The following LYRM4 variants were observed in gnomAD, a reference collection of about 807,000 sequenced individuals.
The protein encoded by LYRM4 is LYR motif-containing protein 4.
A neutral mutation model predicts 11.7 loss-of-function variants in LYRM4; 9 were observed. That is an observed-to-expected ratio of 0.77 (90% confidence interval 0.46 to 1.34). The LOEUF (loss-of-function observed/expected upper bound fraction) is 1.34. Ranked by LOEUF, LYRM4 falls within the 40% of genes most tolerant of loss-of-function variation. The pLI is 0.00. For missense variants in LYRM4, 133 were observed against 112.5 expected (o/e 1.18, Z -0.82); for synonymous variants, 42 against 40.4 (o/e 1.04, Z -0.15).
chr6:5,213,865 T>C (rs1216312375), intron 2 of LYRM4, among the ~76,000 whole-genome samples: 3 of 152,274 alleles, frequency 2.0e-5, no homozygotes, highest in African/African-American at 7.2e-5. Context: ...ACATTTCCTA[T>C]GTGCTAGCAT....
the LYRM4 span, among the ~76,000 whole-genome samples, chr6:5,046,216 A>G: frequency 6.6e-6 from 1 of 151,616 alleles, no homozygotes; most frequent in Non-Finnish European, 1.5e-5. Context: ...GTGCAATCTC[A>G]GCTCACTGCA....
At chr6:5,086,413 C>T in the LYRM4 span, 9 of 1,536,310 alleles carry the variant, frequency 5.9e-6, no homozygotes, top group African/African-American at 1.4e-5. Context: ...GCCCCCGGGC[C>T]TGCAGCCTGA....
chr6:5,118,615 G>A (rs1328687155), intron 2 of LYRM4, among the ~76,000 whole-genome samples: 2 of 152,098 alleles, frequency 1.3e-5, no homozygotes, highest in East Asian at 3.9e-4. Flanking sequence ...GCATGGAGAG[G>A]CACTGCCACA....
chr6:5,113,368 A>G, intron 2 of LYRM4: 1 of 445,302 alleles, frequency 2.2e-6, no homozygotes, highest in Non-Finnish European at 4.5e-6. Context: ...GAGGTTGCTG[A>G]GATCACGCCA....
intron 2 of LYRM4, among the ~76,000 whole-genome samples, chr6:5,137,121 G>A (rs142588610): frequency 2.2e-4 from 33 of 152,178 alleles, no homozygotes; most frequent in African/African-American, 6.5e-4. Flanking sequence ...CTTCTTTCCC[G>A]TAGCATAATG....
intron 1 of LYRM4, among the ~76,000 whole-genome samples, chr6:5,219,728 T>G (rs1245033982): frequency 1.3e-5 from 2 of 152,072 alleles, no homozygotes; most frequent in Non-Finnish European, 2.9e-5. Flanking sequence ...CTTTTTTCTT[T>G]GCTTTTCTTT....
At chr6:5,227,084 T>A (rs1332053087) in intron 1 of LYRM4, among the ~76,000 whole-genome samples, 1 of 152,198 alleles carries the variant, frequency 6.6e-6, no homozygotes, top group African/African-American at 2.4e-5. Flanking sequence ...TCTATGAGTA[T>A]ATTTTTAGAC....
At chr6:5,158,660 A>T (rs2127650666) in intron 2 of LYRM4, among the ~76,000 whole-genome samples, 1 of 152,144 alleles carries the variant, frequency 6.6e-6, no homozygotes, top group Admixed American at 6.5e-5. Flanking sequence ...ACTTTTTTGT[A>T]GAGGGTCCCA....
At chr6:5,051,446 C>T in the LYRM4 span, among the ~76,000 whole-genome samples, 1 of 152,054 alleles carries the variant, frequency 6.6e-6, no homozygotes, top group African/African-American at 2.4e-5. Flanking sequence ...TCCCATACAC[C>T]GAATCCCTGG....
the LYRM4 span, among the ~76,000 whole-genome samples, chr6:5,064,256 C>T: frequency 1.3e-5 from 2 of 152,106 alleles, no homozygotes; most frequent in Admixed American, 1.3e-4. Flanking sequence ...CCCACCTAGC[C>T]CGGAAAAGTT....
chr6:5,198,689 C>T (rs1457021789), intron 2 of LYRM4, among the ~76,000 whole-genome samples: 1 of 152,172 alleles, frequency 6.6e-6, no homozygotes, highest in Non-Finnish European at 1.5e-5. Context: ...AAAGGGCTAA[C>T]CTGGTTCTCA....
At chr6:5,158,283 A>G (rs985490385) in intron 2 of LYRM4, among the ~76,000 whole-genome samples, 5 of 152,236 alleles carry the variant, frequency 3.3e-5, no homozygotes, top group Non-Finnish European at 7.3e-5. Flanking sequence ...TTCAAGAAGC[A>G]TAAACAAACA....
chr6:5,236,605 T>C (rs1408329439), intron 1 of LYRM4: 1 of 152,092 alleles, frequency 6.6e-6, no homozygotes, highest in Non-Finnish European at 1.5e-5. Context: ...CTCATCTGAA[T>C]ATTATTTTGT....
the LYRM4 span, among the ~76,000 whole-genome samples, chr6:5,055,201 T>C: frequency 2.3e-3 from 358 of 152,342 alleles, 1 homozygote; most frequent in Non-Finnish European, 1.9e-3. The surrounding 1 kb of genome is among the most constrained non-coding windows in gnomAD (Gnocchi z 4.5). Flanking sequence ...TGACCCAATG[T>C]ATACCTTACA....
At chr6:5,120,401 G>A (rs1409876982) in intron 2 of LYRM4, among the ~76,000 whole-genome samples, 1 of 152,184 alleles carries the variant, frequency 6.6e-6, no homozygotes, top group Non-Finnish European at 1.5e-5. Context: ...GTTCCTTCTG[G>A]TGGGTTCGTG....
chr6:5,034,785 G>C, the LYRM4 span: 2 of 6,810 alleles, frequency 2.9e-4, no homozygotes, highest in Admixed American at 2.1e-3. Context: ...AAGCGTGGTA[G>C]CAACATTGTT....
chr6:5,052,370 G>C, the LYRM4 span, among the ~76,000 whole-genome samples: 16 of 152,216 alleles, frequency 1.1e-4, no homozygotes, highest in African/African-American at 3.6e-4. Context: ...TAGCTGAAAG[G>C]GGGTAGGAGC....
intron 1 of LYRM4, among the ~76,000 whole-genome samples, chr6:5,226,636 C>A (rs2127736876): frequency 6.6e-6 from 1 of 152,316 alleles, no homozygotes; most frequent in African/African-American, 2.4e-5. Context: ...CTCAGCCTCC[C>A]AAATTGCTGG....
At chr6:5,083,806 C>A in the LYRM4 span, among the ~76,000 whole-genome samples, 2 of 152,204 alleles carry the variant, frequency 1.3e-5, no homozygotes, top group African/African-American at 2.4e-5. Flanking sequence ...AGTTATGAAG[C>A]CCCAATTAAT....
Sources: gnomAD v4.1 joint callset for allele counts (sites outside exome capture counted in the v4.1 genomes callset) on GRCh38, gnomAD v4.1.1 for gene constraint, Gnocchi (gnomAD v3.1) non-coding constraint, MANE v1.5 for transcripts, NCBI Gene and HGNC (gene_info 2026-07-23, HGNC 2026-07-21) for gene names.